GALNS: variants seen among roughly 807,000 people sequenced by gnomAD.
The protein encoded by GALNS is galactosamine (N-acetyl)-6-sulfatase.
In GALNS, 65 loss-of-function variants were observed where a neutral mutation model predicts 65.9. The ratio of observed to expected loss-of-function variants is 0.99; its 90% CI spans 0.81 to 1.21. GALNS has a LOEUF of 1.21. Ranked by LOEUF, GALNS falls within the 50% of genes most tolerant of loss-of-function variation. The pLI, the probability that GALNS is intolerant of heterozygous loss-of-function variation, is 0.00. For synonymous variants in GALNS, 346 were observed against 288.9 expected (o/e 1.20, Z -2.00); for missense variants, 776 against 700.7 (o/e 1.11, Z -1.21).
intron 12 of GALNS, among the ~76,000 whole-genome samples, chr16:88,821,686 C>T (rs993715337): frequency 6.6e-6 from 1 of 152,172 alleles, no homozygotes; most frequent in African/African-American, 2.4e-5. Context: ...CTGCCACCCT[C>T]GGTCCTGTAC....
rs1010708841 is a variant in GALNS, at chr16:88,848,755, G to A, written c.121-5926C>T. On this transcript the variant is annotated intron_variant, in intron 1 of 13. Transcript: ENST00000268695. ...TCTGAACAGAGGGGAAGCCCTCACC[G>A]GGGGCGGGGGTGGCAGCGTGCTGAC... Among the ~76,000 whole-genome samples, 5 of 150,978 alleles carry A rather than the reference G, an allele frequency of 3.3e-5. No homozygotes were observed. The South Asian group carries it at 6.2e-4, about 19-fold the overall frequency.
chr16:88,829,787 C>G (rs1241142676), intron 9 of GALNS, among the ~76,000 whole-genome samples: 2 of 152,226 alleles, frequency 1.3e-5, no homozygotes, highest in African/African-American at 4.8e-5. Context: ...TCTGGCAGAA[C>G]AGCAGCCAAT....
At chr16:88,831,249 G>A (rs1911477492) in intron 9 of GALNS, among the ~76,000 whole-genome samples, 1 of 148,868 alleles carries the variant, frequency 6.7e-6, no homozygotes. Context: ...GGGGAGGAGA[G>A]CGGTGAGGCC....
intron 3 of GALNS, 25 bp from the exon 4 acceptor site, chr16:88,841,119 C>A: frequency 6.3e-7 from 1 of 1,582,376 alleles, no homozygotes; most frequent in Non-Finnish European, 8.7e-7. Context: ...CTGGGTGAGC[C>A]CCGAGGAGAC....
intron 4 of GALNS, among the ~76,000 whole-genome samples, chr16:88,839,885 G>C (rs1966888915): frequency 6.6e-6 from 1 of 152,254 alleles, no homozygotes; most frequent in South Asian, 2.1e-4. Flanking sequence ...AGACAGAGCT[G>C]CCAGGCCAGG....
chr16:88,833,046 C>A (rs374114822), intron 8 of GALNS, among the ~76,000 whole-genome samples: 1 of 147,042 alleles, frequency 6.8e-6, no homozygotes. Context: ...CCACTGCACT[C>A]CAGCCTGGGC....
intron 8 of GALNS, among the ~76,000 whole-genome samples, chr16:88,833,846 ACCATTTGTTGGTATGAAACATG>A (rs1418458436): frequency 2.4e-4 from 36 of 152,326 alleles, no homozygotes; most frequent in Admixed American, 3.9e-4. Flanking sequence ...AGGTACATAT[ACCATTTGTTGGTATGAAACATG>A]CCATTTGTTG....
chr16:88,827,666 G>T (rs138257998), intron 9 of GALNS, among the ~76,000 whole-genome samples: 6,312 of 152,194 alleles, frequency 0.041, 163 homozygotes, highest in South Asian at 0.082. Context: ...GGCTGGTCTC[G>T]AACTCCCAAC....
At chr16:88,829,780 G>A (rs986868864) in intron 9 of GALNS, among the ~76,000 whole-genome samples, 1 of 152,154 alleles carries the variant, frequency 6.6e-6, no homozygotes, top group Non-Finnish European at 1.5e-5. Context: ...AGGAGGATCT[G>A]GCAGAACAGC....
At chr16:88,856,304 A>G in intron 1 of GALNS, 1 of 702,738 alleles carries the variant, frequency 1.4e-6, no homozygotes, top group Non-Finnish European at 2.6e-6. Context: ...AGTGATTCCT[A>G]GGGCGACGCA....
At chr16:88,819,822 T>C (rs1910019179) in intron 12 of GALNS, among the ~76,000 whole-genome samples, 1 of 151,788 alleles carries the variant, frequency 6.6e-6, no homozygotes, top group South Asian at 2.1e-4. Context: ...GCCTCCTGAG[T>C]AGCTGGGAGT....
chr16:88,837,194 G>A (rs565270816), intron 5 of GALNS, among the ~76,000 whole-genome samples: 1 of 152,322 alleles, frequency 6.6e-6, no homozygotes, highest in East Asian at 1.9e-4. Flanking sequence ...GGACGGCTCT[G>A]TCTGGACAGC....
intron 1 of GALNS, among the ~76,000 whole-genome samples, chr16:88,850,929 C>T (rs918012646): frequency 2.6e-5 from 4 of 152,276 alleles, no homozygotes; most frequent in Non-Finnish European, 4.4e-5. Flanking sequence ...CAGCGAACAG[C>T]GGGGGGACCT....
intron 1 of GALNS, 23 bp from the exon 2 acceptor site, chr16:88,842,852 G>T (rs771226020): frequency 6.2e-7 from 1 of 1,611,998 alleles, no homozygotes; most frequent in Non-Finnish European, 8.5e-7. Context: ...GCACGGGGAG[G>T]AGGAATGAGC....
intron 9 of GALNS, among the ~76,000 whole-genome samples, chr16:88,827,491 G>C (rs886526099): frequency 6.6e-6 from 1 of 152,174 alleles, no homozygotes; most frequent in Non-Finnish European, 1.5e-5. Flanking sequence ...TTGTCACCCA[G>C]GCTGGAGTGC....
chr16:88,822,638 G>A lies in GALNS; in HGVS notation c.1315C>T (p.Pro439Ser), dbSNP rs1910357740. The change falls in exon 12 of 14, where the codon CCC (proline) becomes TCC (serine). Residue 439 changes from proline (P) to serine (S), a missense_variant. Transcript: ENST00000268695. The part of the protein sequence containing the change: ...THNLEDHTKL[P>S]LIFHLGRDPG... ...TCCCGTCCCAGGTGGAAGATCAGGG[G>A]CAGCTTCGTGTGGTCTTCCAGATTG... 6.2e-7 allele frequency: 1 copy of A among 1,613,178 alleles called. No individual in the cohort carries two copies. The highest frequency in any genetic ancestry group is 8.5e-7 in the Non-Finnish European group (1 of 1,179,900).
chr16:88,845,871 C>T (rs1338092188), intron 1 of GALNS, among the ~76,000 whole-genome samples: 1 of 151,552 alleles, frequency 6.6e-6, no homozygotes, highest in African/African-American at 2.4e-5. Context: ...ACCTGTGGTC[C>T]CAACTACTCA....
chr16:88,831,302 G>A (rs1911485144), intron 9 of GALNS, among the ~76,000 whole-genome samples: 2 of 44,388 alleles, frequency 4.5e-5, no homozygotes, highest in South Asian at 1.0e-3. Flanking sequence ...GGCCGAGCAC[G>A]GGGTGCGTGG....
At chr16:88,833,507 A>G (rs1243771130) in intron 8 of GALNS, among the ~76,000 whole-genome samples, 5 of 144,890 alleles carry the variant, frequency 3.5e-5, no homozygotes, top group Non-Finnish European at 6.0e-5. Context: ...GCTGGAGTGC[A>G]GTGGTGCGAT....
Sources: allele counts gnomAD v4.1 joint callset (sites outside exome capture counted in the v4.1 genomes callset), GRCh38; gene constraint gnomAD v4.1.1; transcripts MANE v1.5; gene names NCBI Gene and HGNC (gene_info 2026-07-23, HGNC 2026-07-21).